Variants in CNTNAP2 observed in about 807,000 individuals in gnomAD.
The protein encoded by CNTNAP2 is contactin associated protein 2, also known as contactin-associated protein-like 2.
Under a neutral mutation model 155.2 loss-of-function variants are expected in CNTNAP2, and 98 were observed. The observed-to-expected ratio is 0.63, with a 90% CI of 0.54 to 0.75. CNTNAP2 has a LOEUF of 0.75. Among genes scored for constraint, CNTNAP2 ranks in the 30% least tolerant of loss-of-function variants. The probability of loss-of-function intolerance (pLI) is 0.00; values close to 1 mark genes in which losing one functional copy is unlikely to be tolerated. For synonymous variants in CNTNAP2, 651 were observed against 631.2 expected, an observed-to-expected ratio of 1.03 and a Z score of -0.47; for missense variants, 1,727 against 1,688.1, an observed-to-expected ratio of 1.02 and a Z score of -0.40.
rs1250471078 is a variant in CNTNAP2, at chr7:148,420,040, A to G, written c.*4424A>G. On this transcript the variant is annotated 3_prime_UTR_variant, in exon 24 of 24. Coordinates refer to ENST00000361727, the MANE Select transcript of CNTNAP2 (RefSeq NM_014141.6). ...GTGGTTGAAAGTCACATCAAAAGAC[A>G]AATGTGGCCACGTTCAGGAATTGGA... 2 of 152,226 alleles carry G rather than the reference A, an allele frequency of 1.3e-5. No individual in the cohort carries two copies. The highest frequency in any genetic ancestry group is 2.4e-5 in the African/African-American group (1 of 41,450). The allele number at this position is 152,226 out of a possible 1,614,324, so 9.4% of individuals were successfully genotyped here. A position where few individuals can be genotyped will look rare whatever the true frequency, so the allele number is the denominator to read the frequency against.
intron 1 of CNTNAP2, among the ~76,000 whole-genome samples, chr7:146,400,786 A>C (rs1328455921): frequency 1.3e-5 from 2 of 152,230 alleles, no homozygotes; most frequent in African/African-American, 4.8e-5. Context: ...GTTAATGTTA[A>C]ATAAGGAGTT....
chr7:146,703,557 G>A (rs933469409), intron 1 of CNTNAP2, among the ~76,000 whole-genome samples: 7 of 152,182 alleles, frequency 4.6e-5, no homozygotes, highest in Admixed American at 2.6e-4. Context: ...AACAACAAAC[G>A]TGTTTCTCAT....
chr7:148,397,705 A>AGCCACACG (rs1471749177), intron 22 of CNTNAP2, among the ~76,000 whole-genome samples: 1 of 152,268 alleles, frequency 6.6e-6, no homozygotes, highest in Admixed American at 6.5e-5. Flanking sequence ...ACTGTGACAG[A>AGCCACACG]GCCACACGGC....
intron 4 of CNTNAP2, among the ~76,000 whole-genome samples, chr7:147,051,182 ATG>A (rs991046071): frequency 1.7e-5 from 2 of 121,112 alleles, no homozygotes; most frequent in African/African-American, 9.7e-5. Context: ...ATACATATAT[ATG>A]TATATATATA....
intron 17 of CNTNAP2, among the ~76,000 whole-genome samples, chr7:148,151,267 G>T (rs187107394): frequency 1.3e-5 from 2 of 151,980 alleles, no homozygotes; most frequent in Admixed American, 6.5e-5. Flanking sequence ...AGAGTGCCTC[G>T]CCTAGGGCCC....
At chr7:147,075,490 C>A (rs1337517940) in intron 4 of CNTNAP2, among the ~76,000 whole-genome samples, 1 of 152,010 alleles carries the variant, frequency 6.6e-6, no homozygotes, top group African/African-American at 2.4e-5. Context: ...GTTCTTCTTG[C>A]TATTTGGGGA....
intron 8 of CNTNAP2, among the ~76,000 whole-genome samples, chr7:147,257,305 G>A (rs9769600): frequency 0.6 from 90,530 of 152,138 alleles, 27,745 homozygotes; most frequent in East Asian, 0.74. Context: ...ACAGAAGTCT[G>A]TTGAACAGGA....
At chr7:148,295,520 C>T (rs1448710687) in intron 21 of CNTNAP2, among the ~76,000 whole-genome samples, 5 of 148,426 alleles carry the variant, frequency 3.4e-5, no homozygotes, top group Non-Finnish European at 5.9e-5. Flanking sequence ...GAGACGGAGT[C>T]TCGCTCTGTC....
chr7:147,895,021 A>C (rs1422826534), intron 13 of CNTNAP2, among the ~76,000 whole-genome samples: 1 of 117,802 alleles, frequency 8.5e-6, no homozygotes, highest in Non-Finnish European at 1.6e-5. Context: ...CCCAGGCTGG[A>C]GTGCAGTGGC....
intron 8 of CNTNAP2, among the ~76,000 whole-genome samples, chr7:147,271,251 T>C (rs897422503): frequency 2.7e-5 from 4 of 149,718 alleles, no homozygotes; most frequent in Admixed American, 1.3e-4. Context: ...CAGGAATAAG[T>C]GTAGTTTTTT....
At chr7:147,437,633 C>G (rs1192772980) in intron 10 of CNTNAP2, among the ~76,000 whole-genome samples, 4 of 151,996 alleles carry the variant, frequency 2.6e-5, no homozygotes, top group Non-Finnish European at 5.9e-5. Flanking sequence ...TCAGGTGATT[C>G]CTCCAATTTT....
chr7:146,140,422 T>C (rs1171708074), intron 1 of CNTNAP2, among the ~76,000 whole-genome samples: 1 of 152,122 alleles, frequency 6.6e-6, no homozygotes, highest in East Asian at 1.9e-4. Flanking sequence ...GCATCTAATG[T>C]CTGTGGCAAG....
rs1174681389 is a variant in CNTNAP2 at position 147,346,168 on chromosome 7, G to A, written c.1498+45878G>A. 6.1e-4 allele frequency among the ~76,000 whole-genome samples: 83 copies of A among 136,550 alleles called. 1 individual carries two copies. Among genetic ancestry groups the A allele is most frequent in the African/African-American group, 2.0e-3 (75 of 37,084 alleles). The allele number at this position is 136,550 out of a possible 152,430, so 89.6% of individuals were successfully genotyped here. A position where few individuals can be genotyped will look rare whatever the true frequency, so the allele number is the denominator to read the frequency against. ...ATTTTATTTTATTTTTTTTTTTTGA[G>A]ACAGAGTCTCGCTCTGTCGTCCAGG... On this transcript the variant is annotated intron_variant, in intron 9 of 23. Coordinates refer to ENST00000361727, the MANE Select transcript of CNTNAP2 (RefSeq NM_014141.6).
intron 9 of CNTNAP2, among the ~76,000 whole-genome samples, chr7:147,342,730 G>C (rs959792871): frequency 2.0e-5 from 3 of 152,052 alleles, no homozygotes; most frequent in African/African-American, 7.2e-5. Context: ...GCAACAAAAA[G>C]AGACAATCAG....
At position 148,326,720 on chromosome 7, in the gene CNTNAP2, C is replaced by A. The variant is rs561405655; in HGVS notation, c.3476-56929C>A. Among the ~76,000 whole-genome samples, 18 of 152,114 alleles carry A rather than the reference C, an allele frequency of 1.2e-4. No homozygotes were observed. The South Asian group carries it at 3.5e-3, about 30-fold the overall frequency. On this transcript the variant is annotated intron_variant, in intron 21 of 23. Coordinates refer to ENST00000361727, the MANE Select transcript of CNTNAP2 (RefSeq NM_014141.6). ...TCTCTACTAAAAATACAAAAATTAG[C>A]CGGGCATGGTGGTGGGCACCTGTAG...
chr7:147,817,511 T>C (rs1325463652), intron 13 of CNTNAP2, among the ~76,000 whole-genome samples: 4 of 152,202 alleles, frequency 2.6e-5, no homozygotes, highest in Admixed American at 6.5e-5. Flanking sequence ...TATTGCTCAG[T>C]TGATGGGTGC....
At chr7:146,345,002 G>A (rs1794798295) in intron 1 of CNTNAP2, among the ~76,000 whole-genome samples, 2 of 152,160 alleles carry the variant, frequency 1.3e-5, no homozygotes, top group South Asian at 4.1e-4. Flanking sequence ...CAAGGTCAAT[G>A]AACAGATGGT....
chr7:147,685,346 T>C (rs576744111), intron 13 of CNTNAP2, among the ~76,000 whole-genome samples: 1 of 151,996 alleles, frequency 6.6e-6, no homozygotes, highest in Admixed American at 6.6e-5. Flanking sequence ...TCTTGCTACC[T>C]TCTTATGATT....
intron 4 of CNTNAP2, among the ~76,000 whole-genome samples, chr7:147,057,552 A>C (rs1358119943): frequency 6.6e-6 from 1 of 152,166 alleles, no homozygotes; most frequent in Non-Finnish European, 1.5e-5. Flanking sequence ...TTTGGAGGAA[A>C]GGGCTGTCTC....
Sources: allele counts gnomAD v4.1 joint callset (sites outside exome capture counted in the v4.1 genomes callset), GRCh38; gene constraint gnomAD v4.1.1; transcripts MANE v1.5; gene names NCBI Gene and HGNC (gene_info 2026-07-23, HGNC 2026-07-21).